The following SLC2A13 variants were observed in gnomAD, a reference collection of about 807,000 sequenced individuals.
The protein encoded by SLC2A13 is proton myo-inositol cotransporter.
SLC2A13 carries 32 observed loss-of-function variants against 64.4 expected under a neutral mutation model. The observed-to-expected ratio is 0.50, with a 90% CI of 0.37 to 0.67. The LOEUF (loss-of-function observed/expected upper bound fraction) is 0.67, where lower values mean the gene tolerates loss of function less well. SLC2A13 is among the 30% of genes least tolerant of loss of function. SLC2A13 has a pLI of 0.00. For synonymous variants in SLC2A13, 338 were observed against 327.1 expected (o/e 1.03, Z -0.36); for missense variants, 743 against 829.2 (o/e 0.90, Z 1.28).
chr12:39,978,802 G>C lies in SLC2A13; in HGVS notation c.926-27437C>G, dbSNP rs755618754. On this transcript the variant is annotated intron_variant, in intron 3 of 9. Coordinates refer to ENST00000280871, the MANE Select transcript of SLC2A13 (RefSeq NM_052885.4). ...GGTAAACAAAGCAGCCTGGAAGCTC[G>C]AACTGGGTGGAGCCCACCACAGCTC... is the stretch of plus-strand genomic sequence containing the variant. 3.9e-3 allele frequency among the ~76,000 whole-genome samples: 594 copies of C among 152,164 alleles called. 3 individuals carry two copies. The highest frequency in any genetic ancestry group is 6.7e-3 in the Non-Finnish European group (454 of 67,992).
At chr12:39,972,022 T>TTTTTTATATA (rs1555144676) in intron 3 of SLC2A13, among the ~76,000 whole-genome samples, 3 of 92,388 alleles carry the variant, frequency 3.2e-5, no homozygotes, top group Admixed American at 1.6e-4. Context: ...ATATTTTTTT[T>TTTTTTATATA]TATATAAATA....
intron 5 of SLC2A13, among the ~76,000 whole-genome samples, chr12:39,870,204 T>C (rs556096820): frequency 6.6e-6 from 1 of 152,282 alleles, no homozygotes; most frequent in African/African-American, 2.4e-5. Flanking sequence ...ATTTAAAAAA[T>C]AGACTTCTTG....
intron 1 of SLC2A13, among the ~76,000 whole-genome samples, chr12:40,054,756 C>T (rs889970726): frequency 1.2e-4 from 19 of 152,218 alleles, no homozygotes; most frequent in Admixed American, 1.2e-3. Flanking sequence ...CTTTTAAAGG[C>T]CTGAGTCAGA....
intron 4 of SLC2A13, among the ~76,000 whole-genome samples, chr12:39,883,553 C>A (rs1479152318): frequency 6.6e-6 from 1 of 152,136 alleles, no homozygotes; most frequent in Non-Finnish European, 1.5e-5. Context: ...TCTCAGGAGG[C>A]TTAAGAGCCT....
intron 2 of SLC2A13, among the ~76,000 whole-genome samples, chr12:40,035,691 A>G (rs1180989818): frequency 6.6e-6 from 1 of 152,230 alleles, no homozygotes; most frequent in Non-Finnish European, 1.5e-5. Flanking sequence ...TATACACTGT[A>G]AACAAACAAA....
chr12:39,965,629 T>A (rs556339557), intron 3 of SLC2A13, among the ~76,000 whole-genome samples: 23 of 152,258 alleles, frequency 1.5e-4, no homozygotes, highest in Non-Finnish European at 2.9e-4. Flanking sequence ...GGCCTTGCTT[T>A]GTAAAAAACA....
chr12:40,073,568 T>C (rs1044524660), intron 1 of SLC2A13, among the ~76,000 whole-genome samples: 3 of 152,100 alleles, frequency 2.0e-5, no homozygotes, highest in Non-Finnish European at 4.4e-5. Context: ...ATTTCTTGCA[T>C]GGCAAGTCTA....
intron 1 of SLC2A13, among the ~76,000 whole-genome samples, chr12:40,072,002 G>A (rs1937977181): frequency 6.6e-6 from 1 of 152,034 alleles, no homozygotes; most frequent in African/African-American, 2.4e-5. Flanking sequence ...TAAGGTCAAA[G>A]CCTAGAAGAC....
At chr12:39,921,309 G>A (rs1490098448) in intron 4 of SLC2A13, among the ~76,000 whole-genome samples, 2 of 152,010 alleles carry the variant, frequency 1.3e-5, no homozygotes, top group East Asian at 1.9e-4. Context: ...CTAGGTTGGC[G>A]AGTCTTTCTA....
intron 4 of SLC2A13, among the ~76,000 whole-genome samples, chr12:39,902,197 T>C (rs1157890425): frequency 1.4e-5 from 1 of 69,220 alleles, no homozygotes; most frequent in African/African-American, 5.8e-5. Flanking sequence ...TGTTGTGGGG[T>C]GGGGTGGGGG....
intron 3 of SLC2A13, among the ~76,000 whole-genome samples, chr12:39,980,351 A>G (rs936279389): frequency 1.3e-5 from 2 of 152,202 alleles, no homozygotes; most frequent in African/African-American, 2.4e-5. Flanking sequence ...AATGGACTAT[A>G]TTCTCCAATT....
At chr12:39,813,097 G>A (rs1007594326) in intron 7 of SLC2A13, among the ~76,000 whole-genome samples, 5 of 132,244 alleles carry the variant, frequency 3.8e-5, no homozygotes, top group Middle Eastern at 4.8e-3. Flanking sequence ...CACCTACCTC[G>A]GCCTCCCAAT....
At chr12:39,973,543 C>T (rs751227244) in intron 3 of SLC2A13, among the ~76,000 whole-genome samples, 26 of 152,210 alleles carry the variant, frequency 1.7e-4, no homozygotes, top group Non-Finnish European at 3.2e-4. Flanking sequence ...ACACATCTGA[C>T]TTCTTATTCC....
intron 4 of SLC2A13, among the ~76,000 whole-genome samples, chr12:39,914,427 G>A (rs965452685): frequency 1.1e-4 from 16 of 152,042 alleles, no homozygotes; most frequent in Non-Finnish European, 2.2e-4. Context: ...AACTCTGAAA[G>A]AACGTAAAAA....
intron 3 of SLC2A13, among the ~76,000 whole-genome samples, chr12:39,981,454 G>C (rs1946895383): frequency 6.6e-6 from 1 of 151,578 alleles, no homozygotes; most frequent in South Asian, 2.1e-4. Flanking sequence ...AAAAAAGAGA[G>C]AAGAATCAAA....
chr12:40,077,377 C>T (rs942425584), intron 1 of SLC2A13, among the ~76,000 whole-genome samples: 2 of 152,132 alleles, frequency 1.3e-5, no homozygotes, highest in Admixed American at 1.3e-4. Flanking sequence ...TATGGCTAAC[C>T]AGCTCTTCAA....
In SLC2A13 at chr12:40,028,475, T is replaced by G. The variant is rs757985790; in HGVS notation, c.751A>C (p.Ile251Leu). 1 of 1,614,018 alleles carries G rather than the reference T, an allele frequency of 6.2e-7. No individual in the cohort carries two copies. Among genetic ancestry groups the G allele is most frequent in the African/African-American group, 1.3e-5 (1 of 75,016 alleles). Residue 251 changes from isoleucine to leucine, a missense_variant, in exon 3 of 10, where the codon ATA becomes CTA. Coordinates refer to ENST00000280871, the MANE Select transcript of SLC2A13 (RefSeq NM_052885.4). ...MLGLAAVPAV[I>L]QFFGFLFLPE... ...AAAAAGAGAAAGCCAAAAAACTGTA[T>G]AACCGCCGGAACTGCTGCAAGTCCC...
At chr12:40,074,428 T>C (rs1300914182) in intron 1 of SLC2A13, among the ~76,000 whole-genome samples, 1 of 152,006 alleles carries the variant, frequency 6.6e-6, no homozygotes, top group Non-Finnish European at 1.5e-5. Context: ...CAGCCTCCCA[T>C]AGCATTGGGA....
chr12:40,047,765 T>A (rs537310645), intron 2 of SLC2A13, among the ~76,000 whole-genome samples: 7 of 152,330 alleles, frequency 4.6e-5, no homozygotes, highest in African/African-American at 1.7e-4. Context: ...TATCACTGCA[T>A]TCATTTTTAA....
Sources: allele counts gnomAD v4.1 joint callset (sites outside exome capture counted in the v4.1 genomes callset), GRCh38; gene constraint gnomAD v4.1.1; transcripts MANE v1.5; gene names NCBI Gene and HGNC (gene_info 2026-07-23, HGNC 2026-07-21).